The following MPRIP variants were observed in gnomAD, a reference collection of about 807,000 sequenced individuals.
MPRIP encodes the protein myosin phosphatase Rho-interacting protein.
Under a neutral mutation model 234.9 loss-of-function variants are expected in MPRIP, and 59 were observed. That is an observed-to-expected ratio of 0.25 (90% confidence interval 0.20 to 0.31). The LOEUF is 0.31. Among genes scored for constraint, MPRIP ranks in the 10% least tolerant of loss-of-function variants. The pLI, the probability that MPRIP is intolerant of heterozygous loss-of-function variation, is 1.00. For missense variants in MPRIP, 2,436 were observed against 3,071.0 expected, an observed-to-expected ratio of 0.79 and a Z score of 4.89; for synonymous variants, 1,144 against 1,263.9, an observed-to-expected ratio of 0.91 and a Z score of 2.01.
In MPRIP at chr17:17,165,052, G is replaced by A; in HGVS notation, c.3461G>A (p.Ser1154Asn). Residue 1154 changes from serine (S) to asparagine (N), a missense_variant, in exon 16 of 24, where the codon AGC becomes AAC. Transcript: ENST00000651222. ...SLEHSYQRVS[S>N]QLQSMHTLLR... ...GAGCACTCCTACCAGAGGGTCTCCA[G>A]CCAGCTGCAGAGCATGCACACTCTG... 7.7e-7 allele frequency: 1 copy of A among 1,302,426 alleles called. No homozygotes were observed. Among genetic ancestry groups the A allele is most frequent in the African/African-American group, 1.5e-5 (1 of 65,984 alleles). 80.7% of individuals were successfully genotyped at this position (1,302,426 alleles called of 1,614,324 possible).
At chr17:17,101,480 G>A (rs1290799461) in intron 3 of MPRIP, among the ~76,000 whole-genome samples, 1 of 152,176 alleles carries the variant, frequency 6.6e-6, no homozygotes, top group Middle Eastern at 3.2e-3. Flanking sequence ...TGAGGCAGGA[G>A]AATCGCTTGA....
chr17:17,146,206 C>T, intron 10 of MPRIP, 114 bp downstream of exon 10: 1 of 906,230 alleles, frequency 1.1e-6, no homozygotes, highest in Non-Finnish European at 1.8e-6. Context: ...CTCCTCCATG[C>T]CCCTTGTCTT....
chr17:17,167,193 G>C lies in MPRIP; in HGVS notation c.5602G>C (p.Glu1868Gln). The part of the protein sequence containing the change: ...EYEKELQLCK[E>Q]SWQTREPSCS... Reference sequence around the variant, plus strand: ...TGAGAAGGAGCTCCAGCTCTGCAAGGAGTCCTGGCAAACCCGGGAGCCCTC... The same window carrying C: ...TGAGAAGGAGCTCCAGCTCTGCAAGCAGTCCTGGCAAACCCGGGAGCCCTC... The change falls in exon 16 of 24, where the codon GAG (glutamate) becomes CAG (glutamine). Residue 1868 changes from glutamate (E) to glutamine (Q), a missense_variant. Physicochemically the swap from Glu to Gln is conservative, Grantham distance 29. Around this residue, in one of 4 missense-constraint regions of MPRIP, gnomAD observed 1,998 missense variants for 2,520.3 expected, o/e 0.79. Coordinates refer to ENST00000651222, the MANE Select transcript of MPRIP (RefSeq NM_001364716.4). The surrounding 1 kb of genome is among the most constrained non-coding windows in gnomAD (Gnocchi z 5.9). 7.7e-7 allele frequency: 1 copy of C among 1,304,082 alleles called. No homozygotes were observed. The highest frequency in any genetic ancestry group is 1.0e-6 in the Non-Finnish European group (1 of 988,938). 80.8% of individuals were successfully genotyped at this position (1,304,082 alleles called of 1,614,324 possible).
rs752553172 is a variant in MPRIP at position 17,175,419 on chromosome 17, T to G, written c.6870+7T>G. 1.2e-6 allele frequency: 2 copies of G among 1,602,172 alleles called. No homozygotes were observed. The highest frequency in any genetic ancestry group is 2.7e-5 in the African/African-American group (2 of 74,592). On this transcript the variant is annotated splice_region_variant and intron_variant, in intron 20 of 23. Transcript: ENST00000651222. ...GGATGCCTATGAACTAGAGGTACCA[T>G]CAGGAGCCAGGCCCTGCCTGACTCA... is the stretch of plus-strand genomic sequence containing the variant.
At chr17:17,097,919 G>A (rs1567712935) in intron 3 of MPRIP, among the ~76,000 whole-genome samples, 4 of 152,170 alleles carry the variant, frequency 2.6e-5, no homozygotes, top group South Asian at 4.1e-4. Flanking sequence ...TTTGAGAACC[G>A]AGGTAGCCTG....
At chr17:17,159,316 C>T (rs188217432) in intron 14 of MPRIP, among the ~76,000 whole-genome samples, 117 of 152,358 alleles carry the variant, frequency 7.7e-4, no homozygotes, top group African/African-American at 2.3e-3. Flanking sequence ...TTCTGACTCC[C>T]GATGGCAGGA....
chr17:17,115,738 A>G (rs535752747), intron 3 of MPRIP, among the ~76,000 whole-genome samples: 1 of 152,224 alleles, frequency 6.6e-6, no homozygotes, highest in South Asian at 2.1e-4. Context: ...CGCTTGATGT[A>G]AATGGAGTCA....
intron 13 of MPRIP, among the ~76,000 whole-genome samples, chr17:17,155,101 G>A (rs559182933): frequency 3.9e-5 from 6 of 152,306 alleles, no homozygotes; most frequent in Admixed American, 2.6e-4. Context: ...CACCTTCAGA[G>A]CCTCCACGCA....
At position 17,136,247 on chromosome 17, in the gene MPRIP, CCAGCAGCAGCAGCAG is replaced by C. The variant is rs3833098; in HGVS notation, c.554_568del (p.Ser185_Ser189del). On this transcript the variant is annotated inframe_deletion, in exon 6 of 24. Coordinates refer to ENST00000651222, the MANE Select transcript of MPRIP (RefSeq NM_001364716.4). Reference sequence around the variant, plus strand: ...CCTGGGCCTGCCAAGGTGGCTGTTACCAGCAGCAGCAGCAGCAGCAGCAGCAGCAGCAGCATCCCC... The same window carrying C: ...CCTGGGCCTGCCAAGGTGGCTGTTACCAGCAGCAGCAGCAGCAGCATCCCC... 177 of 1,556,024 alleles carry C rather than the reference CCAGCAGCAGCAGCAG, an allele frequency of 1.1e-4. 1 individual carries two copies. Among genetic ancestry groups the C allele is most frequent in the East Asian group, 2.8e-4 (12 of 42,474 alleles).
At chr17:17,161,733 A>G (rs1367807137) in intron 15 of MPRIP, among the ~76,000 whole-genome samples, 1 of 152,222 alleles carries the variant, frequency 6.6e-6, no homozygotes, top group Non-Finnish European at 1.5e-5. Context: ...GACCTATTGT[A>G]CAGATTGAAG....
intron 12 of MPRIP, among the ~76,000 whole-genome samples, chr17:17,151,897 G>A (rs765734225): frequency 1.3e-5 from 2 of 152,220 alleles, no homozygotes; most frequent in Non-Finnish European, 2.9e-5. Flanking sequence ...TCTCACACAA[G>A]GCTAGACTCT....
intron 23 of MPRIP, chr17:17,181,899 C>T (rs1312304476): frequency 6.6e-6 from 1 of 152,226 alleles, no homozygotes; most frequent in Non-Finnish European, 1.5e-5. Flanking sequence ...GTCTGGGCCC[C>T]AGGGCAGACT....
intron 15 of MPRIP, 120 bp downstream of exon 15, chr17:17,161,476 T>A: frequency 1.7e-6 from 1 of 587,258 alleles, no homozygotes; most frequent in Non-Finnish European, 2.9e-6. Flanking sequence ...TCCCAGGAGC[T>A]CATGCCCCTG....
intron 3 of MPRIP, among the ~76,000 whole-genome samples, chr17:17,104,496 T>G (rs1439123370): frequency 6.6e-6 from 1 of 152,160 alleles, no homozygotes; most frequent in Admixed American, 6.5e-5. Flanking sequence ...GGCCGTGTCT[T>G]TCATCCTTCC....
rs1242500548 is a variant in MPRIP, at chr17:17,189,849, CTG to C, written c.*4959_*4960del. 6.6e-6 allele frequency: 1 copy of C among 152,246 alleles called. No homozygotes were observed. The highest frequency in any genetic ancestry group is 2.1e-4 in the South Asian group (1 of 4,828). The allele number at this position is 152,246 out of a possible 1,614,324, so 9.4% of individuals were successfully genotyped here. On this transcript the variant is annotated 3_prime_UTR_variant, in exon 24 of 24. Transcript: ENST00000651222. ...CCTTCCCTGCAAGCTGGGATCAGCCCTGTGTTTTCTCCTTTCAGCTGAAGTGA... is the reference window on the plus strand; with the variant it reads ...CCTTCCCTGCAAGCTGGGATCAGCCCTGTTTTCTCCTTTCAGCTGAAGTGA...
At chr17:17,083,510 A>G (rs1382690709) in intron 3 of MPRIP, among the ~76,000 whole-genome samples, 2 of 152,086 alleles carry the variant, frequency 1.3e-5, no homozygotes, top group African/African-American at 4.8e-5. Context: ...GAGCAGCCCA[A>G]CGTTGCCTAG....
intron 3 of MPRIP, among the ~76,000 whole-genome samples, chr17:17,106,138 G>A (rs770198687): frequency 5.9e-5 from 9 of 152,216 alleles, no homozygotes; most frequent in Non-Finnish European, 1.3e-4. Flanking sequence ...TGTCTGCAGT[G>A]TTGCAGTGAG....
At chr17:17,076,754 G>A (rs751354069) in intron 2 of MPRIP, among the ~76,000 whole-genome samples, 10 of 152,136 alleles carry the variant, frequency 6.6e-5, no homozygotes, top group Admixed American at 1.3e-4. Context: ...CTGGGCTGCA[G>A]TTTCCAGGGA....
In MPRIP at chr17:17,184,885, G is replaced by A; in HGVS notation, c.7269G>A (p.Lys2423=). ...AGCTCTTTGAATCCAGGGACTTGAA[G>A]AAAGACTAGGTGTGTCCCATCCAAG... The part of the protein sequence containing the change: ...RLKLFESRDL[K]KD The change falls in exon 24 of 24, where the codon AAG becomes AAA. Residue 2423 remains lysine, a synonymous_variant. Transcript: ENST00000651222. 6.2e-7 allele frequency: 1 copy of A among 1,611,256 alleles called. No individual in the cohort carries two copies. Among genetic ancestry groups the A allele is most frequent in the South Asian group, 1.1e-5 (1 of 90,976 alleles).
Sources: allele counts gnomAD v4.1 joint callset (sites outside exome capture counted in the v4.1 genomes callset), GRCh38; gene constraint gnomAD v4.1.1; regional missense constraint gnomAD v4.1.1; non-coding constraint Gnocchi (gnomAD v3.1); transcripts MANE v1.5; gene names NCBI Gene and HGNC (gene_info 2026-07-23, HGNC 2026-07-21).